The following EPB41 variants were observed in gnomAD, a reference collection of about 807,000 sequenced individuals.
The protein encoded by EPB41 is protein 4.1.
Under a neutral mutation model 108.0 loss-of-function variants are expected in EPB41, and 65 were observed. That is an observed-to-expected ratio of 0.60 (90% CI 0.49 to 0.74). EPB41 has a LOEUF of 0.74. Ranked by LOEUF, EPB41 falls within the 30% of genes least tolerant of loss-of-function variation. The pLI is 0.00. For synonymous variants in EPB41, 336 were observed against 358.9 expected (o/e 0.94, Z 0.72); for missense variants, 875 against 1,037.0 (o/e 0.84, Z 2.15).
upstream of EPB41, chr1:28,911,072 T>G (rs1381098190): frequency 2.0e-6 from 2 of 985,246 alleles, no homozygotes; most frequent in Non-Finnish European, 2.4e-6. Context: ...ATACCTGGTT[T>G]GCAGAAGTCT....
intron 7 of EPB41, among the ~76,000 whole-genome samples, chr1:29,024,335 AAAAT>A (rs1220871571): frequency 6.8e-6 from 1 of 146,398 alleles, no homozygotes; most frequent in African/African-American, 2.6e-5. Context: ...ACTTCATCTA[AAAAT>A]AAATAAATTA....
chr1:29,060,577 G>A, intron 15 of EPB41, 93 bp downstream of exon 15: 1 of 1,180,150 alleles, frequency 8.5e-7, no homozygotes, highest in South Asian at 1.3e-5. Flanking sequence ...GCTGCATTTG[G>A]TTTTGCATGC....
At chr1:28,937,681 C>T (rs1436164980) in intron 1 of EPB41, among the ~76,000 whole-genome samples, 1 of 152,214 alleles carries the variant, frequency 6.6e-6, no homozygotes, top group Non-Finnish European at 1.5e-5. Flanking sequence ...GCGTGAGCCA[C>T]CGCGCCTGGC....
rs527960483 is a variant in EPB41 at position 29,025,173 on chromosome 1, A to G, written c.1125-5227A>G. ...CAAGCTTTAAAATTAATTGCCCTCC[A>G]TTTATTGGTATTAGGAAGGTATGTA... On this transcript the variant is annotated intron_variant, in intron 7 of 20. Coordinates refer to ENST00000343067, the MANE Select transcript of EPB41 (RefSeq NM_001376013.1). Among the ~76,000 whole-genome samples, 7 of 152,114 alleles carry G rather than the reference A, an allele frequency of 4.6e-5. No individual in the cohort carries two copies. In the East Asian group the frequency reaches 1.4e-3, roughly 29 times the overall value.
At chr1:28,914,067 A>G (rs1444348385), upstream of EPB41, among the ~76,000 whole-genome samples, 1 of 152,160 alleles carries the variant, frequency 6.6e-6, no homozygotes, top group African/African-American at 2.4e-5. Flanking sequence ...AAACTAGTGG[A>G]TGGGGAAACT....
At chr1:28,907,510 C>A (rs1212285024) in intron 1 of EPB41, among the ~76,000 whole-genome samples, 1 of 152,100 alleles carries the variant, frequency 6.6e-6, no homozygotes, top group Non-Finnish European at 1.5e-5. Flanking sequence ...TGCAGACATG[C>A]CAAGAAACAA....
At chr1:29,041,684 G>A (rs150188430) in intron 11 of EPB41, among the ~76,000 whole-genome samples, 4 of 151,976 alleles carry the variant, frequency 2.6e-5, no homozygotes, top group Middle Eastern at 3.4e-3. Flanking sequence ...AAATGAAAGG[G>A]ATCTTACTAA....
At chr1:29,084,300 T>C (rs899758260) in intron 16 of EPB41, among the ~76,000 whole-genome samples, 2 of 152,366 alleles carry the variant, frequency 1.3e-5, no homozygotes, top group East Asian at 3.8e-4. Context: ...AAAAGTTTTA[T>C]GTGTTAAATT....
At chr1:28,994,272 C>T (rs985028038) in intron 3 of EPB41, among the ~76,000 whole-genome samples, 4 of 151,608 alleles carry the variant, frequency 2.6e-5, no homozygotes, top group African/African-American at 9.7e-5. Context: ...CCTGGGTTCA[C>T]GCCATTCTCC....
At chr1:28,965,199 A>G (rs1367307162) in intron 1 of EPB41, among the ~76,000 whole-genome samples, 1 of 152,158 alleles carries the variant, frequency 6.6e-6, no homozygotes, top group Non-Finnish European at 1.5e-5. Context: ...TAGTTTTGGT[A>G]AAACTTTAAT....
At position 29,097,773 on chromosome 1, in the gene EPB41, A is replaced by G. The variant is rs1417299923; in HGVS notation, c.2185-34A>G. On this transcript the variant is annotated intron_variant, in intron 16 of 20. Coordinates refer to ENST00000343067, the MANE Select transcript of EPB41 (RefSeq NM_001376013.1). Reference sequence around the variant, plus strand: ...GATTACTTCTCCATTGCCTTCAGAAATACTCTAGTAACTCTTTCCTTACTG... The same window carrying G: ...GATTACTTCTCCATTGCCTTCAGAAGTACTCTAGTAACTCTTTCCTTACTG... 1.9e-6 allele frequency: 3 copies of G among 1,612,596 alleles called. No individual in the cohort carries two copies. The East Asian group carries it at 6.7e-5, about 36-fold the overall frequency.
rs138453402 is a variant in EPB41 at position 29,097,807 on chromosome 1, C to T, written c.2185C>T (p.Pro729Ser). The change falls in exon 17 of 21, where the codon CCT (proline) becomes TCT (serine). Residue 729 changes from proline (P) to serine (S), a missense_variant and splice_region_variant. By Grantham distance (74) the Pro-to-Ser change is moderately conservative. Coordinates refer to ENST00000343067, the MANE Select transcript of EPB41 (RefSeq NM_001376013.1). ...INGQIPTGEG[P>S]PLVKTQTVTI... Reference sequence around the variant, plus strand: ...TAACTCTTTCCTTACTGCTTCACAGCCTCCCCTGGTGAAGACACAAACTGT... The same window carrying T: ...TAACTCTTTCCTTACTGCTTCACAGTCTCCCCTGGTGAAGACACAAACTGT... The T allele has an allele frequency of 2.9e-5, 47 of 1,613,792 alleles. No individual in the cohort carries two copies. The highest frequency in any genetic ancestry group is 3.8e-5 in the Non-Finnish European group (45 of 1,179,836).
intron 16 of EPB41, among the ~76,000 whole-genome samples, chr1:29,090,880 C>T (rs1270958741): frequency 1.3e-5 from 2 of 152,156 alleles, no homozygotes; most frequent in Non-Finnish European, 2.9e-5. Flanking sequence ...CTGTGTTGTC[C>T]TGGAGATCTG....
Position 29,058,837 on chromosome 1 carries a change from G to C in EPB41, c.1929G>C (p.Leu643=). The change falls in exon 14 of 21, where the codon CTG becomes CTC. Residue 643 remains leucine (L), a synonymous_variant. Coordinates refer to ENST00000343067, the MANE Select transcript of EPB41 (RefSeq NM_001376013.1). ...TQKLAEKTED[L]IRMRKKKRER... is the part of the protein sequence containing the mutation. ...AGCTTGCAGAAAAAACTGAAGATCT[G>C]ATAAGAATGAGGAAGGTTAGCCATT... 2.6e-6 allele frequency: 4 copies of C among 1,550,876 alleles called. No homozygotes were observed. The highest frequency in any genetic ancestry group is 1.7e-6 in the Non-Finnish European group (2 of 1,146,760).
intron 1 of EPB41, among the ~76,000 whole-genome samples, chr1:28,919,743 C>T (rs751414220): frequency 6.6e-6 from 1 of 152,200 alleles, no homozygotes; most frequent in Non-Finnish European, 1.5e-5. Context: ...GCATGAGCCA[C>T]AGCATCCAGC....
rs547923693 is a variant in EPB41, at chr1:29,108,922, G to A, written c.2314-414G>A. ...AAAAAAAAAGAGGTTACCCTGGCCGGGTGCGGTAGCTCACACCTGTAATGC... is the reference window on the plus strand; with the variant it reads ...AAAAAAAAAGAGGTTACCCTGGCCGAGTGCGGTAGCTCACACCTGTAATGC... On this transcript the variant is annotated intron_variant, in intron 17 of 20. Transcript: ENST00000343067. Among the ~76,000 whole-genome samples, 116 of 151,860 alleles carry A rather than the reference G, an allele frequency of 7.6e-4. 1 individual carries two copies. Among genetic ancestry groups the A allele is most frequent in the African/African-American group, 2.7e-3 (113 of 41,452 alleles).
At chr1:28,954,601 C>T (rs1040346061) in intron 1 of EPB41, among the ~76,000 whole-genome samples, 4 of 152,098 alleles carry the variant, frequency 2.6e-5, no homozygotes, top group Non-Finnish European at 4.4e-5. Context: ...TAAGGAAAGG[C>T]TCAAACTTCA....
intron 5 of EPB41, among the ~76,000 whole-genome samples, chr1:29,015,103 G>A (rs1268054496): frequency 3.3e-5 from 5 of 152,184 alleles, no homozygotes; most frequent in Non-Finnish European, 7.3e-5. Flanking sequence ...CCTTGTTTAT[G>A]TAGTTCTAAT....
At chr1:29,092,311 C>T (rs1254846761) in intron 16 of EPB41, among the ~76,000 whole-genome samples, 1 of 151,634 alleles carries the variant, frequency 6.6e-6, no homozygotes, top group African/African-American at 2.4e-5. Context: ...TGGACAGACT[C>T]GAACTCCCAA....
Sources: gnomAD v4.1 joint callset for allele counts (sites outside exome capture counted in the v4.1 genomes callset) on GRCh38, gnomAD v4.1.1 for gene constraint, MANE v1.5 for transcripts, NCBI Gene and HGNC (gene_info 2026-07-23, HGNC 2026-07-21) for gene names.